Variants in MALRD1 observed in about 807,000 individuals in gnomAD.
MALRD1 encodes the protein MAM and LDL-receptor class A domain-containing protein 1.
A neutral mutation model predicts 242.1 loss-of-function variants in MALRD1; 247 were observed. That is an observed-to-expected ratio of 1.02 (90% confidence interval 0.92 to 1.13). The LOEUF is 1.13. MALRD1 is among the 50% of genes most tolerant of loss of function. MALRD1 has a pLI of 0.00. For missense variants in MALRD1, 2,989 were observed against 2,533.1 expected, an observed-to-expected ratio of 1.18 and a Z score of -3.86; for synonymous variants, 995 against 866.6, an observed-to-expected ratio of 1.15 and a Z score of -2.60.
intron 35 of MALRD1, among the ~76,000 whole-genome samples, chr10:19,611,602 G>A (rs930922877): frequency 1.3e-5 from 2 of 151,836 alleles, no homozygotes; most frequent in African/African-American, 4.8e-5. Flanking sequence ...CTCTGCTAAT[G>A]GTAATATTAT....
intron 2 of MALRD1, among the ~76,000 whole-genome samples, chr10:19,069,137 C>T (rs1242641115): frequency 2.6e-5 from 4 of 151,972 alleles, no homozygotes; most frequent in Non-Finnish European, 5.9e-5. Flanking sequence ...GTATAATTCA[C>T]TTTAAGTCTA....
chr10:19,486,685 T>A (rs183909177), intron 29 of MALRD1, among the ~76,000 whole-genome samples: 1 of 152,148 alleles, frequency 6.6e-6, no homozygotes, highest in Non-Finnish European at 1.5e-5. Context: ...TCAGAGCATA[T>A]TGAATGTCAT....
At chr10:19,259,695 G>T (rs1020000642) in intron 19 of MALRD1, among the ~76,000 whole-genome samples, 1 of 152,048 alleles carries the variant, frequency 6.6e-6, no homozygotes, top group African/African-American at 2.4e-5. Context: ...ATGTCATATG[G>T]TTAGGGCTTT....
intron 36 of MALRD1, among the ~76,000 whole-genome samples, chr10:19,691,765 A>C (rs1842830590): frequency 6.6e-6 from 1 of 152,180 alleles, no homozygotes; most frequent in Non-Finnish European, 1.5e-5. Flanking sequence ...ATTTACTAGT[A>C]CATCAAATGA....
At chr10:19,569,597 T>A (rs2131468068) in intron 33 of MALRD1, among the ~76,000 whole-genome samples, 1 of 149,480 alleles carries the variant, frequency 6.7e-6, no homozygotes, top group African/African-American at 2.4e-5. Context: ...TACCTCTTCT[T>A]CCAGTCATTC....
At chr10:19,692,784 C>G (rs549705033) in intron 38 of MALRD1, among the ~76,000 whole-genome samples, 1 of 95,480 alleles carries the variant, frequency 1.0e-5, no homozygotes, top group African/African-American at 4.1e-5. Context: ...ATATTAGGAG[C>G]CTTTTTGAGG....
At chr10:19,393,293 C>T (rs1846415027) in intron 28 of MALRD1, among the ~76,000 whole-genome samples, 2 of 151,872 alleles carry the variant, frequency 1.3e-5, no homozygotes, top group African/African-American at 4.8e-5. Context: ...AAATGCATTA[C>T]CTTCCAGACC....
At chr10:19,207,706 T>G (rs1402516701) in intron 17 of MALRD1, among the ~76,000 whole-genome samples, 6 of 152,140 alleles carry the variant, frequency 3.9e-5, no homozygotes, top group Non-Finnish European at 5.9e-5. Context: ...TTCAGCATGT[T>G]GGTTGGGCTG....
intron 1 of MALRD1, chr10:19,051,544 G>T: frequency 1.1e-5 from 2 of 182,206 alleles, no homozygotes; most frequent in South Asian, 1.3e-4. Context: ...TAGATGGCAC[G>T]GTTAGCTAGG....
At chr10:19,706,435 G>A (rs938384503) in intron 38 of MALRD1, among the ~76,000 whole-genome samples, 2 of 151,882 alleles carry the variant, frequency 1.3e-5, no homozygotes, top group Non-Finnish European at 2.9e-5. Flanking sequence ...CCTTGGCCCC[G>A]GGTTCAAGTG....
intron 10 of MALRD1, among the ~76,000 whole-genome samples, chr10:19,137,975 C>T (rs1472200976): frequency 6.6e-6 from 1 of 152,108 alleles, no homozygotes; most frequent in Non-Finnish European, 1.5e-5. Flanking sequence ...TTTTGTTGAG[C>T]AGAGGTGAAA....
chr10:19,527,219 A>G (rs2131335012), intron 31 of MALRD1, among the ~76,000 whole-genome samples: 1 of 152,240 alleles, frequency 6.6e-6, no homozygotes, highest in East Asian at 1.9e-4. Context: ...AGATGTTGTG[A>G]CTTGAGTTAC....
chr10:19,270,243 AG>A (rs1486558455), intron 19 of MALRD1, among the ~76,000 whole-genome samples: 1 of 151,712 alleles, frequency 6.6e-6, no homozygotes, highest in Admixed American at 6.6e-5. Context: ...TTGAACTGGG[AG>A]GCAGAAGTTG....
intron 12 of MALRD1, 63 bp from the exon 13 acceptor site, chr10:19,165,574 A>T: frequency 1.7e-6 from 2 of 1,176,244 alleles, no homozygotes; most frequent in Non-Finnish European, 2.1e-6. Flanking sequence ...TTCAAATTAT[A>T]GGAAAAACTA....
At position 19,204,959 on chromosome 10, in the gene MALRD1, C is replaced by T. The variant is rs977193928; in HGVS notation, c.2272C>T (p.His758Tyr). 3.9e-6 allele frequency: 6 copies of T among 1,550,450 alleles called. No individual in the cohort carries two copies. Among genetic ancestry groups the T allele is most frequent in the Non-Finnish European group, 5.2e-6 (6 of 1,146,904 alleles). The change falls in exon 17 of 40, where the codon CAT (histidine) becomes TAT (tyrosine). Residue 758 changes from histidine (H) to tyrosine (Y), a missense_variant. Coordinates refer to ENST00000454679, the MANE Select transcript of MALRD1 (RefSeq NM_001142308.3). Reference sequence around the variant, plus strand: ...GCTGCAGCTACATATGGAAAATTCTCATGACTCAACAGTGATTTGGAGAGT... The same window carrying T: ...GCTGCAGCTACATATGGAAAATTCTTATGACTCAACAGTGATTTGGAGAGT... ...AELQLHMENS[H>Y]DSTVIWRVLY...
chr10:19,132,046 A>G (rs902375282), intron 8 of MALRD1, among the ~76,000 whole-genome samples: 14 of 152,228 alleles, frequency 9.2e-5, no homozygotes, highest in African/African-American at 3.4e-4. Flanking sequence ...ACTGTGTACT[A>G]TGAACTTGGC....
chr10:19,074,852 T>C (rs1046294744), intron 2 of MALRD1, among the ~76,000 whole-genome samples: 1 of 152,038 alleles, frequency 6.6e-6, no homozygotes, highest in African/African-American at 2.4e-5. Context: ...TTAGACACAA[T>C]TGAAAAAATT....
intron 36 of MALRD1, among the ~76,000 whole-genome samples, chr10:19,666,214 C>A (rs1359371753): frequency 6.6e-6 from 1 of 152,186 alleles, no homozygotes; most frequent in Non-Finnish European, 1.5e-5. Context: ...TTCCTGTAAT[C>A]ATTCTTAGTC....
At position 19,204,420 on chromosome 10, in the gene MALRD1, A is replaced by G. The variant is rs1415506746; in HGVS notation, c.2210+7A>G. 6.6e-7 allele frequency: 1 copy of G among 1,526,048 alleles called. No individual in the cohort carries two copies. Among genetic ancestry groups the G allele is most frequent in the African/African-American group, 1.4e-5 (1 of 72,180 alleles). The allele number at this position is 1,526,048 out of a possible 1,614,324, so 94.5% of individuals were successfully genotyped here. A position where few individuals can be genotyped will look rare whatever the true frequency, so the allele number is the denominator to read the frequency against. ...GATGCATACTTTCCTTCTGGTAAAT[A>G]TTAAACAAATATTTAAACAATATTA... is the stretch of plus-strand genomic sequence containing the variant. On this transcript the variant is annotated splice_region_variant and intron_variant, in intron 16 of 39. Transcript: ENST00000454679.
Sources: gnomAD v4.1 joint callset for allele counts (sites outside exome capture counted in the v4.1 genomes callset) on GRCh38, gnomAD v4.1.1 for gene constraint, MANE v1.5 for transcripts, NCBI Gene and HGNC (gene_info 2026-07-23, HGNC 2026-07-21) for gene names.